Variants in PCBP3 observed in about 807,000 individuals in gnomAD.
PCBP3 encodes the protein poly(rC)-binding protein 3.
In PCBP3, 25 loss-of-function variants were observed where a neutral mutation model predicts 52.7. The observed-to-expected ratio is 0.47, with a 90% CI of 0.35 to 0.66. The LOEUF is 0.66. Among genes scored for constraint, PCBP3 ranks in the 30% least tolerant of loss-of-function variants. The pLI is 0.01. For missense variants in PCBP3, 391 were observed against 490.3 expected (o/e 0.80, Z 1.91); for synonymous variants, 162 against 183.0 (o/e 0.89, Z 0.93).
rs971114579 is a variant in PCBP3, at chr21:45,772,518, T to C, written c.-126+17066T>C. ...CTTATTATTGTGAATAGTACTGCAA[T>C]AAACATAGGAGTGCAGGTACTACTT... On this transcript the variant is annotated intron_variant, in intron 4 of 17. Transcript: ENST00000681687. Among the ~76,000 whole-genome samples, 3 of 152,332 alleles carry C rather than the reference T, an allele frequency of 2.0e-5. No individual in the cohort carries two copies. The South Asian group carries it at 6.2e-4, about 32-fold the overall frequency.
At chr21:45,768,947 A>G (rs2089616672) in intron 4 of PCBP3, among the ~76,000 whole-genome samples, 1 of 152,202 alleles carries the variant, frequency 6.6e-6, no homozygotes, top group Non-Finnish European at 1.5e-5. Flanking sequence ...GGGCATGATG[A>G]CCGATGGCAG....
intron 3 of PCBP3, among the ~76,000 whole-genome samples, chr21:45,746,758 G>GC (rs2086908000): frequency 1.8e-4 from 1 of 5,526 alleles, no homozygotes; most frequent in Non-Finnish European, 3.6e-4. Context: ...CTGACGTAGC[G>GC]CACACGGTGT....
At chr21:45,839,394 G>A (rs2093652913) in intron 4 of PCBP3, among the ~76,000 whole-genome samples, 1 of 152,158 alleles carries the variant, frequency 6.6e-6, no homozygotes, top group Non-Finnish European at 1.5e-5. Context: ...AGTTAAATGT[G>A]TTTGACACTT....
chr21:45,897,576 G>A (rs556223104), intron 6 of PCBP3, among the ~76,000 whole-genome samples: 62 of 152,204 alleles, frequency 4.1e-4, no homozygotes, highest in South Asian at 8.3e-4. Flanking sequence ...GATTTGCTCC[G>A]ATGCCCTCGC....
At position 45,837,149 on chromosome 21, in the gene PCBP3, C is replaced by T. The variant is rs920659322; in HGVS notation, c.-125-12812C>T. Among the ~76,000 whole-genome samples, 3 of 152,238 alleles carry T rather than the reference C, an allele frequency of 2.0e-5. No individual in the cohort carries two copies. Among genetic ancestry groups the T allele is most frequent in the Non-Finnish European group, 2.9e-5 (2 of 68,040 alleles). ...AAGCGCGGGTACCAATTCCCATCCC[C>T]CAGCAGCGTGTTAGCGCCACGGATG... On this transcript the variant is annotated intron_variant, in intron 4 of 17. Transcript: ENST00000681687. The surrounding 1 kb of genome is among the most constrained non-coding windows in gnomAD (Gnocchi z 4.1).
intron 3 of PCBP3, chr21:45,750,152 G>A (rs1016559138): frequency 6.6e-6 from 1 of 152,268 alleles, no homozygotes; most frequent in African/African-American, 2.4e-5. Context: ...CTGCCCCCAC[G>A]TTGGGATGTG....
intron 2 of PCBP3, among the ~76,000 whole-genome samples, chr21:45,684,346 T>C (rs1053209654): frequency 3.9e-5 from 6 of 152,216 alleles, no homozygotes; most frequent in Admixed American, 3.9e-4. Context: ...AGGAAGGACC[T>C]GAGATTAACT....
rs1012282711 is a variant in PCBP3 at position 45,880,526 on chromosome 21, C to T, written c.11-15682C>T. On this transcript the variant is annotated intron_variant, in intron 5 of 17. Coordinates refer to ENST00000681687, the MANE Select transcript of PCBP3 (RefSeq NM_001384156.1). This position sits in a 1 kb window ranked among gnomAD's most constrained non-coding sequence, Gnocchi z 5.4. ...TGAATTTCAGAACGTTCCACGAGGC[C>T]GTGGAAATTGAGCTGGGCTCAGTGC... Among the ~76,000 whole-genome samples, 18 of 152,198 alleles carry T rather than the reference C, an allele frequency of 1.2e-4. No homozygotes were observed. The highest frequency in any genetic ancestry group is 1.3e-4 in the Non-Finnish European group (9 of 68,038).
chr21:45,801,409 G>A (rs1281482556), intron 4 of PCBP3, among the ~76,000 whole-genome samples: 1 of 152,246 alleles, frequency 6.6e-6, no homozygotes, highest in African/African-American at 2.4e-5. Context: ...TGCACAAGGA[G>A]CTGCAGAGGA....
rs571408880 is a variant in PCBP3 at position 45,838,036 on chromosome 21, C to T, written c.-125-11925C>T. ...CTGTTTGGTTACCTAAACTATGGTT[C>T]ATGCCAGAAAGGCAGGATAGATGCT... On this transcript the variant is annotated intron_variant, in intron 4 of 17. Transcript: ENST00000681687. 8.5e-5 allele frequency among the ~76,000 whole-genome samples: 13 copies of T among 152,346 alleles called. No individual in the cohort carries two copies. The South Asian group carries it at 2.7e-3, about 32-fold the overall frequency.
intron 4 of PCBP3, among the ~76,000 whole-genome samples, chr21:45,779,490 T>G: frequency 6.6e-6 from 1 of 152,346 alleles, no homozygotes; most frequent in Middle Eastern, 3.4e-3. Context: ...TGAATTCACA[T>G]TCTCTCTTGG....
rs989392834 is a variant in PCBP3, at chr21:45,802,560, C to G, written c.-126+47108C>G. On this transcript the variant is annotated intron_variant, in intron 4 of 17. Transcript: ENST00000681687. This position sits in a 1 kb window ranked among gnomAD's most constrained non-coding sequence, Gnocchi z 5.1. ...AGCCATGCTGGAGAAGGGACAGGAG[C>G]CCCTGGGAGACGTAAGAGATGGGGA... Among the ~76,000 whole-genome samples the G allele has an allele frequency of 2.0e-5, 3 of 152,090 alleles. No individual in the cohort carries two copies. The highest frequency in any genetic ancestry group is 2.0e-4 in the Admixed American group (3 of 15,280).
At chr21:45,727,803 C>T (rs1008145587) in intron 2 of PCBP3, among the ~76,000 whole-genome samples, 34 of 152,216 alleles carry the variant, frequency 2.2e-4, no homozygotes, top group South Asian at 6.2e-4. Context: ...AATTGGCTAA[C>T]GCTGGGAGGG....
At chr21:45,835,625 A>G (rs1311437035) in intron 4 of PCBP3, among the ~76,000 whole-genome samples, 1 of 152,220 alleles carries the variant, frequency 6.6e-6, no homozygotes, top group Non-Finnish European at 1.5e-5. Context: ...GTCCTGCCAC[A>G]TGGCCCCTGC....
intron 4 of PCBP3, among the ~76,000 whole-genome samples, chr21:45,785,312 G>C (rs943991384): frequency 1.3e-5 from 2 of 150,680 alleles, no homozygotes; most frequent in African/African-American, 4.9e-5. Context: ...CCCCCGCCCG[G>C]CCAGCCGCCC....
At chr21:45,752,420 A>G (rs2087603442) in intron 3 of PCBP3, among the ~76,000 whole-genome samples, 1 of 152,030 alleles carries the variant, frequency 6.6e-6, no homozygotes, top group Non-Finnish European at 1.5e-5. Flanking sequence ...TTTTAAAAAT[A>G]TAGATCAGCG....
intron 3 of PCBP3, among the ~76,000 whole-genome samples, chr21:45,747,664 A>G (rs1334644636): frequency 6.6e-6 from 1 of 152,242 alleles, no homozygotes; most frequent in Non-Finnish European, 1.5e-5. Context: ...TCAGTCACAG[A>G]GGCTGCGGTC....
chr21:45,785,355 C>G (rs894848448), intron 4 of PCBP3, among the ~76,000 whole-genome samples: 1 of 150,872 alleles, frequency 6.6e-6, no homozygotes, highest in African/African-American at 2.4e-5. Context: ...GTCAGCCCCC[C>G]GCCCGGCCAG....
At chr21:45,675,369 A>G (rs143796674) in intron 2 of PCBP3, among the ~76,000 whole-genome samples, 33 of 152,296 alleles carry the variant, frequency 2.2e-4, no homozygotes, top group Non-Finnish European at 4.1e-4. Flanking sequence ...ACAGGCAGGT[A>G]CCACCTAGGG....
Sources: allele counts gnomAD v4.1 joint callset (sites outside exome capture counted in the v4.1 genomes callset), GRCh38; gene constraint gnomAD v4.1.1; non-coding constraint Gnocchi (gnomAD v3.1); transcripts MANE v1.5; gene names NCBI Gene and HGNC (gene_info 2026-07-23, HGNC 2026-07-21).